ATL2: variants seen among roughly 807,000 people sequenced by gnomAD.
The protein encoded by ATL2 is atlastin-2.
In ATL2, 31 loss-of-function variants were observed where a neutral mutation model predicts 73.9. That is an observed-to-expected ratio of 0.42 (90% CI 0.32 to 0.57). The LOEUF (loss-of-function observed/expected upper bound fraction) is 0.57, where lower values mean the gene tolerates loss of function less well. Ranked by LOEUF, ATL2 falls within the 20% of genes least tolerant of loss-of-function variation. ATL2 has a pLI of 0.14. For synonymous variants in ATL2, 291 were observed against 237.5 expected (o/e 1.23, Z -2.07); for missense variants, 738 against 702.6 (o/e 1.05, Z -0.57).
chr2:38,354,010 T>C (rs1413501491), intron 1 of ATL2: 2 of 272,710 alleles, frequency 7.3e-6, no homozygotes, highest in South Asian at 2.8e-5. Context: ...CTGGCCAACA[T>C]GGTGAAACCC....
intron 1 of ATL2, among the ~76,000 whole-genome samples, chr2:38,366,940 G>A (rs1254405985): frequency 6.6e-6 from 1 of 152,070 alleles, no homozygotes; most frequent in African/African-American, 2.4e-5. Context: ...CTACCCTCAA[G>A]AGAAGAGATG....
chr2:38,358,511 A>C (rs1670809104), intron 1 of ATL2: 1 of 269,220 alleles, frequency 3.7e-6, no homozygotes, highest in South Asian at 2.8e-5. Flanking sequence ...GACCACAGGG[A>C]AACCCCGTCT....
intron 1 of ATL2, among the ~76,000 whole-genome samples, chr2:38,346,836 G>C (rs1422596940): frequency 6.6e-6 from 1 of 152,154 alleles, no homozygotes; most frequent in Admixed American, 6.5e-5. Flanking sequence ...GTTTAAACTA[G>C]GTAGCCAAAC....
chr2:38,351,097 T>C (rs1005569844), intron 1 of ATL2, among the ~76,000 whole-genome samples: 1 of 152,218 alleles, frequency 6.6e-6, no homozygotes, highest in African/African-American at 2.4e-5. Context: ...AAACAAAAAC[T>C]TGAAACAAAT....
intron 2 of ATL2, among the ~76,000 whole-genome samples, chr2:38,341,763 A>C (rs1409740897): frequency 6.6e-6 from 1 of 152,218 alleles, no homozygotes. Flanking sequence ...ATATTTGAGA[A>C]AGCCTGAAAT....
intron 1 of ATL2, among the ~76,000 whole-genome samples, chr2:38,355,846 C>A (rs866054598): frequency 1.3e-5 from 2 of 151,438 alleles, no homozygotes; most frequent in Non-Finnish European, 2.9e-5. Context: ...ATTACAGGCA[C>A]GCACCACCAC....
Position 38,327,855 on chromosome 2 carries a change from G to A in ATL2, c.364-8836C>T, listed in dbSNP as rs950384094. 2.0e-5 allele frequency among the ~76,000 whole-genome samples: 3 copies of A among 152,174 alleles called. No individual in the cohort carries two copies. In the East Asian group the frequency reaches 5.8e-4, roughly 29 times the overall value. The stretch of plus-strand genomic sequence containing the variant: ...GGAGGCTAAGGCAGAAGAACCATTT[G>A]AATCAGAGAGGCGGAGGTTGCAGTG... On this transcript the variant is annotated intron_variant, in intron 2 of 12. Coordinates refer to ENST00000378954, the MANE Select transcript of ATL2 (RefSeq NM_001135673.4).
Position 38,345,811 on chromosome 2 carries a change from G to C in ATL2, c.119-2299C>G, listed in dbSNP as rs371299479. Among the ~76,000 whole-genome samples the C allele has an allele frequency of 7.2e-5, 11 of 152,276 alleles. No individual in the cohort carries two copies. The South Asian group carries it at 1.2e-3, about 17-fold the overall frequency. Reference sequence around the variant, plus strand: ...CATGAAGTAGGGAGCAAACTGCCTCGATGCATGTCACTTAACTTCTCTGCA... The same window carrying C: ...CATGAAGTAGGGAGCAAACTGCCTCCATGCATGTCACTTAACTTCTCTGCA... On this transcript the variant is annotated intron_variant, in intron 1 of 12. Transcript: ENST00000378954.
intron 1 of ATL2, among the ~76,000 whole-genome samples, chr2:38,358,876 G>A (rs947438729): frequency 6.6e-6 from 1 of 152,036 alleles, no homozygotes; most frequent in Non-Finnish European, 1.5e-5. Flanking sequence ...TACAAGTACT[G>A]ACAAAGACAC....
chr2:38,327,540 C>CAAAAAAAAAAAAAAAAAAAAGAA (rs56332855), intron 2 of ATL2, among the ~76,000 whole-genome samples: 2 of 89,964 alleles, frequency 2.2e-5, no homozygotes, highest in African/African-American at 3.7e-5. Flanking sequence ...AAAAAAAGTA[C>CAAAAAAAAAAAAAAAAAAAAGAA]AAAAAAAAAA....
At position 38,310,419 on chromosome 2, in the gene ATL2, T is replaced by A. The variant is rs1317347789; in HGVS notation, c.833A>T (p.Gln278Leu). ...ATTGTGTATGTGCTTCCTTACATTC[T>A]GAAGCTCTTCATGTTGATTTTGTTT... ...QVKQNQHEEL[Q>L]NVRKHIHNCF... The change falls in exon 8 of 13, where the codon CAG (glutamine) becomes CTG (leucine). Residue 278 changes from glutamine to leucine, a missense_variant. Coordinates refer to ENST00000378954, the MANE Select transcript of ATL2 (RefSeq NM_001135673.4). The A allele has an allele frequency of 6.2e-7, 1 of 1,605,458 alleles. No homozygotes were observed. Among genetic ancestry groups the A allele is most frequent in the Non-Finnish European group, 8.5e-7 (1 of 1,176,686 alleles).
intron 1 of ATL2, among the ~76,000 whole-genome samples, chr2:38,355,827 G>A (rs142023131): frequency 0.024 from 3,695 of 151,538 alleles, 67 homozygotes; most frequent in Middle Eastern, 0.041. Flanking sequence ...AGCCTCCTGA[G>A]TAGTTGGGAT....
At chr2:38,360,250 CAG>C (rs1670931380) in intron 1 of ATL2, among the ~76,000 whole-genome samples, 1 of 143,100 alleles carries the variant, frequency 7.0e-6, no homozygotes, top group African/African-American at 2.7e-5. Flanking sequence ...AGCGATGGCT[CAG>C]GGGATTCTTT....
intron 1 of ATL2, among the ~76,000 whole-genome samples, chr2:38,370,081 G>T (rs936352813): frequency 6.7e-6 from 1 of 148,484 alleles, no homozygotes; most frequent in Non-Finnish European, 1.5e-5. Flanking sequence ...GTGAACCCCG[G>T]GGGGCGGAGC....
In ATL2 at chr2:38,315,337, G is replaced by T. The variant is rs1433232956; in HGVS notation, c.604-3C>A. On this transcript the variant is annotated splice_polypyrimidine_tract_variant and splice_region_variant and intron_variant, in intron 4 of 12. Transcript: ENST00000378954. ...ATATTCTGAGACAGATTATATACCT[G>T]TTGAAACAAAATTTATTTTGTTTTT... The T allele has an allele frequency of 4.0e-6, 6 of 1,500,048 alleles. No homozygotes were observed. The highest frequency in any genetic ancestry group is 5.3e-6 in the Non-Finnish European group (6 of 1,134,578). The allele number at this position is 1,500,048 out of a possible 1,614,324, so 92.9% of individuals were successfully genotyped here. A position where few individuals can be genotyped will look rare whatever the true frequency, so the allele number is the denominator to read the frequency against.
At chr2:38,309,163 G>C (rs1428458833) in intron 9 of ATL2, among the ~76,000 whole-genome samples, 1 of 152,090 alleles carries the variant, frequency 6.6e-6, no homozygotes, top group African/African-American at 2.4e-5. Context: ...AGATAATTCT[G>C]TAAATAAATT....
In ATL2 at chr2:38,367,099, C is replaced by T. The variant is rs1229387563; in HGVS notation, c.118+10044G>A. On this transcript the variant is annotated intron_variant, in intron 1 of 12. Coordinates refer to ENST00000378954, the MANE Select transcript of ATL2 (RefSeq NM_001135673.4). Reference sequence around the variant, plus strand: ...CCTCCCAAAGTGCTGGGATTAAAGGCACGAGCCACCGCACACAGCCAAGAC... The same window carrying T: ...CCTCCCAAAGTGCTGGGATTAAAGGTACGAGCCACCGCACACAGCCAAGAC... Among the ~76,000 whole-genome samples, 8 of 151,960 alleles carry T rather than the reference C, an allele frequency of 5.3e-5. No homozygotes were observed. The East Asian group carries it at 1.5e-3, about 29-fold the overall frequency.
chr2:38,326,459 G>T (rs947939849), intron 2 of ATL2, among the ~76,000 whole-genome samples: 3 of 152,112 alleles, frequency 2.0e-5, no homozygotes, highest in Admixed American at 2.0e-4. Context: ...AAAAGACAAG[G>T]CAAACAACAG....
rs576283696 is a variant in ATL2, at chr2:38,370,046, C to G, written c.118+7097G>C. On this transcript the variant is annotated intron_variant, in intron 1 of 12. Transcript: ENST00000378954. ...GCGGGCGCCTGTAGTCCCAGGTACT[C>G]GGGAGGCTCAGGCAGAAGAATGGCG... Among the ~76,000 whole-genome samples the G allele has an allele frequency of 7.5e-5, 11 of 145,880 alleles. 1 individual carries two copies. The South Asian group carries it at 2.4e-3, about 32-fold the overall frequency.
Sources: gnomAD v4.1 joint callset for allele counts (sites outside exome capture counted in the v4.1 genomes callset) on GRCh38, gnomAD v4.1.1 for gene constraint, MANE v1.5 for transcripts, NCBI Gene and HGNC (gene_info 2026-07-23, HGNC 2026-07-21) for gene names.